HDLBP: variants seen among roughly 807,000 people sequenced by gnomAD.
HDLBP encodes vigilin.
A neutral mutation model predicts 137.3 loss-of-function variants in HDLBP; 30 were observed. The observed-to-expected ratio is 0.22, with a 90% CI of 0.16 to 0.30. The LOEUF (loss-of-function observed/expected upper bound fraction) is 0.30. Among genes scored for constraint, HDLBP ranks in the 10% least tolerant of loss-of-function variants. The pLI, the probability that HDLBP is intolerant of heterozygous loss-of-function variation, is 1.00. For missense variants in HDLBP, 1,119 were observed against 1,667.3 expected, an observed-to-expected ratio of 0.67 and a Z score of 5.73; for synonymous variants, 606 against 596.0, an observed-to-expected ratio of 1.02 and a Z score of -0.24.
intron 1 of HDLBP, among the ~76,000 whole-genome samples, chr2:241,313,040 G>A (rs1192295494): frequency 1.3e-5 from 2 of 152,104 alleles, no homozygotes; most frequent in African/African-American, 2.4e-5. Flanking sequence ...CTCTTTCCTA[G>A]TCTTCCTGTC....
In HDLBP at chr2:241,230,622, A is replaced by G. The variant is rs1574826443; in HGVS notation, c.3474+137T>C. ...CCTGCACTGACCCGTGGTGTCCATG[A>G]GGACAGTTCCACTGCCAGCCCTGGG... On this transcript the variant is annotated intron_variant, in intron 25 of 27. Transcript: ENST00000310931. This position sits in a 1 kb window ranked among gnomAD's most constrained non-coding sequence, Gnocchi z 5.0. The G allele has an allele frequency of 4.4e-5, 33 of 747,810 alleles. 1 individual carries two copies. The South Asian group carries it at 5.8e-4, about 13-fold the overall frequency. The allele number at this position is 747,810 out of a possible 1,614,324, so 46.3% of individuals were successfully genotyped here.
At chr2:241,249,790 CAA>C (rs780425571) in intron 12 of HDLBP, 49 bp downstream of exon 12, 317 of 1,536,076 alleles carry the variant, frequency 2.1e-4, no homozygotes, top group Non-Finnish European at 2.6e-4. Flanking sequence ...TAGAGGGGGC[CAA>C]GAGACGCAAG....
In HDLBP at chr2:241,229,996, GCCCAGCACC is replaced by G. The variant is rs563647001; in HGVS notation, c.3592-44_3592-36del. ...GAAGACAGGAAGACAGGGTCAGTCT[GCCCAGCACC>G]CCCAGCATCCCGCCCGCCTGCTCAC... On this transcript the variant is annotated intron_variant, in intron 26 of 27. Transcript: ENST00000310931. 8,268 of 1,576,182 alleles carry G rather than the reference GCCCAGCACC, an allele frequency of 5.2e-3. 40 individuals are homozygous for G. The highest frequency in any genetic ancestry group is 0.015 in the South Asian group (1,259 of 84,984).
chr2:241,312,833 G>A (rs921383790), intron 1 of HDLBP, among the ~76,000 whole-genome samples: 1 of 152,192 alleles, frequency 6.6e-6, no homozygotes, highest in Non-Finnish European at 1.5e-5. Flanking sequence ...ACGAAGGATC[G>A]TAAGATATCC....
intron 5 of HDLBP, among the ~76,000 whole-genome samples, chr2:241,261,647 C>T (rs1315579231): frequency 2.0e-5 from 3 of 152,170 alleles, no homozygotes; most frequent in Non-Finnish European, 4.4e-5. Flanking sequence ...ACTTTCAGAG[C>T]CTATTATGCA....
At chr2:241,260,314 T>C (rs568118470) in intron 5 of HDLBP, among the ~76,000 whole-genome samples, 3 of 152,154 alleles carry the variant, frequency 2.0e-5, no homozygotes, top group East Asian at 3.9e-4. Flanking sequence ...CCAGAAGGTA[T>C]TGATATTAAT....
chr2:241,300,163 C>G (rs1187195821), intron 1 of HDLBP, among the ~76,000 whole-genome samples: 4 of 152,098 alleles, frequency 2.6e-5, no homozygotes, highest in African/African-American at 9.7e-5. Context: ...ATATGCACAG[C>G]AGCACATCCC....
intron 1 of HDLBP, among the ~76,000 whole-genome samples, chr2:241,309,180 G>A (rs187997152): frequency 7.2e-5 from 11 of 152,162 alleles, no homozygotes; most frequent in African/African-American, 2.2e-4. Context: ...CACTCCCCTC[G>A]ATACTTTATT....
intron 5 of HDLBP, among the ~76,000 whole-genome samples, chr2:241,260,870 G>A (rs994827663): frequency 3.9e-5 from 6 of 152,032 alleles, no homozygotes; most frequent in African/African-American, 7.3e-5. Context: ...AAAAACCTAC[G>A]GTCCCCACTA....
At chr2:241,311,255 C>CA (rs1201348426) in intron 1 of HDLBP, among the ~76,000 whole-genome samples, 1 of 152,210 alleles carries the variant, frequency 6.6e-6, no homozygotes, top group Admixed American at 6.5e-5. Context: ...AAGACTTCAA[C>CA]AACACTGGAA....
chr2:241,267,026 T>C lies in HDLBP; in HGVS notation c.-37-120A>G. On this transcript the variant is annotated intron_variant, in intron 2 of 27. Transcript: ENST00000310931. ...TTTTTACCAGCAAACTATACCTTTT[T>C]ATTTTCCTCACAACCTCTGATGTAA... 12 of 713,924 alleles carry C rather than the reference T, an allele frequency of 1.7e-5. No homozygotes were observed. In the South Asian group the frequency reaches 2.1e-4, roughly 12 times the overall value. The allele number at this position is 713,924 out of a possible 1,614,324, so 44.2% of individuals were successfully genotyped here. A position where few individuals can be genotyped will look rare whatever the true frequency, so the allele number is the denominator to read the frequency against.
At position 241,272,328 on chromosome 2, in the gene HDLBP, G is replaced by C. The variant is rs1235429725; in HGVS notation, c.-102-3787C>G. 2 of 983,750 alleles carry C rather than the reference G, an allele frequency of 2.0e-6. No individual in the cohort carries two copies. Among genetic ancestry groups the C allele is most frequent in the Non-Finnish European group, 2.4e-6 (2 of 828,900 alleles). The allele number at this position is 983,750 out of a possible 1,614,324, so 60.9% of individuals were successfully genotyped here. A position where few individuals can be genotyped will look rare whatever the true frequency, so the allele number is the denominator to read the frequency against. On this transcript the variant is annotated intron_variant, in intron 1 of 27. Coordinates refer to ENST00000310931, the MANE Select transcript of HDLBP (RefSeq NM_005336.6). This position sits in a 1 kb window ranked among gnomAD's most constrained non-coding sequence, Gnocchi z 5.6. ...ACACGGCGCCCCCGCCGGAGCGGGG[G>C]AGGGGAGGGCCGGCCCCGCCAACGT...
intron 1 of HDLBP, chr2:241,273,010 T>C: frequency 1.0e-6 from 1 of 984,866 alleles, no homozygotes. Flanking sequence ...GGGAAGGCGG[T>C]GCCGAGGAGT....
At chr2:241,313,343 A>T (rs1311107465) in intron 1 of HDLBP, among the ~76,000 whole-genome samples, 3 of 152,130 alleles carry the variant, frequency 2.0e-5, no homozygotes, top group Non-Finnish European at 4.4e-5. Context: ...GCAGTGCTAC[A>T]ATCTCGGCTC....
chr2:241,264,932 A>G (rs780099366), intron 3 of HDLBP, among the ~76,000 whole-genome samples: 1 of 152,210 alleles, frequency 6.6e-6, no homozygotes, highest in Non-Finnish European at 1.5e-5. Context: ...GTCCCTTGAA[A>G]GCAAGCCTTG....
intron 5 of HDLBP, among the ~76,000 whole-genome samples, chr2:241,262,280 G>GGA (rs1644687148): frequency 6.6e-6 from 1 of 152,116 alleles, no homozygotes; most frequent in Non-Finnish European, 1.5e-5. Flanking sequence ...TCAAACTCTG[G>GGA]GACAAGCTTC....
intron 11 of HDLBP, among the ~76,000 whole-genome samples, chr2:241,251,977 A>C (rs964740380): frequency 1.3e-5 from 2 of 152,174 alleles, no homozygotes; most frequent in African/African-American, 2.4e-5. Context: ...CTCCGTCCCA[A>C]AAAACAAACA....
At chr2:241,231,657 C>G (rs1194682221) in intron 24 of HDLBP, among the ~76,000 whole-genome samples, 1 of 152,088 alleles carries the variant, frequency 6.6e-6, no homozygotes, top group Non-Finnish European at 1.5e-5. Flanking sequence ...GGCTGGCTGG[C>G]ATTCCTCAGC....
At chr2:241,244,439 GC>G (rs1344643290) in intron 16 of HDLBP, among the ~76,000 whole-genome samples, 1 of 152,132 alleles carries the variant, frequency 6.6e-6, no homozygotes, top group Non-Finnish European at 1.5e-5. Flanking sequence ...AACCCTAACA[GC>G]AGCCAGAGGG....
Sources: gnomAD v4.1 joint callset for allele counts (sites outside exome capture counted in the v4.1 genomes callset) on GRCh38, gnomAD v4.1.1 for gene constraint, Gnocchi (gnomAD v3.1) non-coding constraint, MANE v1.5 for transcripts, NCBI Gene and HGNC (gene_info 2026-07-23, HGNC 2026-07-21) for gene names.